The following RNF2 variants were observed in gnomAD, a reference collection of about 807,000 sequenced individuals.
The protein encoded by RNF2 is ring finger protein 2.
A neutral mutation model predicts 37.2 loss-of-function variants in RNF2; 6 were observed. The observed-to-expected ratio is 0.16, with a 90% confidence interval of 0.09 to 0.32. The LOEUF is 0.32. Ranked by LOEUF, RNF2 falls within the 10% of genes least tolerant of loss-of-function variation. The probability of loss-of-function intolerance (pLI) is 1.00; values close to 1 mark genes in which losing one functional copy is unlikely to be tolerated. For missense variants in RNF2, 251 were observed against 404.0 expected, an observed-to-expected ratio of 0.62 and a Z score of 3.25; for synonymous variants, 133 against 132.7, an observed-to-expected ratio of 1.00 and a Z score of -0.02.
intron 1 of RNF2, among the ~76,000 whole-genome samples, chr1:185,052,110 A>G (rs1041550082): frequency 1.3e-5 from 2 of 152,050 alleles, no homozygotes; most frequent in East Asian, 3.9e-4. Context: ...TTGATCTGAC[A>G]TCATGGAATA....
rs956542447 is a variant in RNF2, at chr1:185,101,821, GT to G, written c.*1525del. ...ATTTTATGGAAAATATTTAAAATCT[GT>G]TTTTACAGGGTTTTTTTTTTTTTTT... On this transcript the variant is annotated 3_prime_UTR_variant, in exon 7 of 7. Transcript: ENST00000367510. 1 of 97,068 alleles carries G rather than the reference GT, an allele frequency of 1.0e-5. No individual in the cohort carries two copies. The highest frequency in any genetic ancestry group is 2.1e-5 in the Non-Finnish European group (1 of 48,266). The allele number at this position is 97,068 out of a possible 1,614,324, so 6.0% of individuals were successfully genotyped here. A position where few individuals can be genotyped will look rare whatever the true frequency, so the allele number is the denominator to read the frequency against.
At chr1:185,096,600 TC>T (rs1651918906) in intron 4 of RNF2, among the ~76,000 whole-genome samples, 1 of 152,142 alleles carries the variant, frequency 6.6e-6, no homozygotes. Context: ...TATTTATTTC[TC>T]TTTTTACTTG....
intron 4 of RNF2, among the ~76,000 whole-genome samples, chr1:185,094,664 A>C (rs1053336699): frequency 3.9e-5 from 6 of 152,212 alleles, no homozygotes; most frequent in African/African-American, 1.4e-4. Flanking sequence ...ATTGAAAGGA[A>C]GATCATGGTT....
chr1:185,090,730 A>G (rs1222770223), intron 2 of RNF2, among the ~76,000 whole-genome samples: 2 of 152,138 alleles, frequency 1.3e-5, no homozygotes, highest in African/African-American at 2.4e-5. Flanking sequence ...TCCTCAATCC[A>G]TAGGAGTTGA....
At chr1:185,047,655 T>C (rs1433526380) in intron 1 of RNF2, among the ~76,000 whole-genome samples, 2 of 152,210 alleles carry the variant, frequency 1.3e-5, no homozygotes, top group African/African-American at 4.8e-5. Context: ...TGAGTTAATA[T>C]TAAAACGCAC....
chr1:185,079,250 A>G (rs1482753200), intron 1 of RNF2, among the ~76,000 whole-genome samples: 1 of 152,104 alleles, frequency 6.6e-6, no homozygotes, highest in Non-Finnish European at 1.5e-5. Context: ...AAGTATAATT[A>G]ATGAGCTGTA....
intron 4 of RNF2, among the ~76,000 whole-genome samples, chr1:185,094,735 T>G (rs1651865003): frequency 6.6e-6 from 1 of 152,218 alleles, no homozygotes; most frequent in African/African-American, 2.4e-5. Context: ...ACTAAAAGAC[T>G]TTAATGATGG....
chr1:185,092,205 C>A (rs1188916473), intron 3 of RNF2, among the ~76,000 whole-genome samples: 1 of 148,554 alleles, frequency 6.7e-6, no homozygotes, highest in African/African-American at 2.5e-5. Context: ...GAGATGGAAT[C>A]TTACTCTGTC....
chr1:185,050,900 G>A (rs560326602), intron 1 of RNF2, among the ~76,000 whole-genome samples: 5 of 152,156 alleles, frequency 3.3e-5, no homozygotes, highest in South Asian at 2.1e-4. Flanking sequence ...AAGGTATTTC[G>A]GTGTGGGATG....
intron 1 of RNF2, among the ~76,000 whole-genome samples, chr1:185,063,677 CG>C (rs1450572893): frequency 6.6e-6 from 1 of 152,104 alleles, no homozygotes; most frequent in Non-Finnish European, 1.5e-5. Flanking sequence ...ATGAGTCTTA[CG>C]GGATTGAAAT....
In RNF2 at chr1:185,093,222, A is replaced by G. The variant is rs1471149409; in HGVS notation, c.410A>G (p.Gln137Arg). The G allele has an allele frequency of 6.2e-7, 1 of 1,614,124 alleles. No homozygotes were observed. The highest frequency in any genetic ancestry group is 1.3e-5 in the African/African-American group (1 of 75,070). Reference sequence around the variant, plus strand: ...GCCAGGATCAACAAGCACAATAATCAGCAAGCACTCAGTCACAGCATTGAG... The same window carrying G: ...GCCAGGATCAACAAGCACAATAATCGGCAAGCACTCAGTCACAGCATTGAG... ...VLARINKHNN[Q>R]QALSHSIEEG... is the part of the protein sequence containing the mutation. Residue 137 changes from glutamine (Q) to arginine (R), a missense_variant, in exon 4 of 7, where the codon CAG (glutamine) becomes CGG (arginine). Around this residue, in one of 7 missense-constraint regions of RNF2, gnomAD observed 33 missense variants for 46.8 expected, o/e 0.71. Coordinates refer to ENST00000367510, the MANE Select transcript of RNF2 (RefSeq NM_007212.4).
intron 1 of RNF2, among the ~76,000 whole-genome samples, chr1:185,058,580 T>C (rs1290684059): frequency 6.6e-6 from 1 of 152,236 alleles, no homozygotes; most frequent in East Asian, 1.9e-4. Flanking sequence ...TGGTTTTCCT[T>C]CCTCTTTATT....
chr1:185,061,118 T>TTC (rs1279789372), intron 1 of RNF2, among the ~76,000 whole-genome samples: 4 of 143,642 alleles, frequency 2.8e-5, no homozygotes, highest in South Asian at 2.2e-4. Flanking sequence ...GAGACCCTAT[T>TTC]TCTCTCTCTC....
chr1:185,096,859 A>G (rs1489243303), intron 4 of RNF2, among the ~76,000 whole-genome samples: 2 of 146,914 alleles, frequency 1.4e-5, no homozygotes, highest in Admixed American at 1.3e-4. Flanking sequence ...TTTTTAAAGC[A>G]TGAGTTCTTG....
At position 185,091,596 on chromosome 1, in the gene RNF2, C is replaced by T; in HGVS notation, c.105C>T (p.Gly35=). 6.2e-7 allele frequency: 1 copy of T among 1,613,108 alleles called. No individual in the cohort carries two copies. The highest frequency in any genetic ancestry group is 8.5e-7 in the Non-Finnish European group (1 of 1,179,768). The stretch of plus-strand genomic sequence containing the variant: ...TTTTACAGGAGGCAATAACAGATGG[C>T]TTAGAAATTGTGGTTTCACCTCGAA... ...QRTPQEAITD[G]LEIVVSPRSL... is the part of the protein sequence containing the mutation. The change falls in exon 3 of 7, where the codon GGC becomes GGT. Residue 35 remains glycine, a synonymous_variant. Transcript: ENST00000367510.
chr1:185,076,437 C>T (rs1478089038), intron 1 of RNF2, among the ~76,000 whole-genome samples: 5 of 150,496 alleles, frequency 3.3e-5, no homozygotes, highest in African/African-American at 9.8e-5. Flanking sequence ...ACTACAGGCG[C>T]GTGCCTCCAT....
At chr1:185,085,294 G>A (rs1387434030) in intron 1 of RNF2, among the ~76,000 whole-genome samples, 1 of 151,174 alleles carries the variant, frequency 6.6e-6, no homozygotes, top group Non-Finnish European at 1.5e-5. Context: ...GACTACAGGC[G>A]CCCGCCACCG....
intron 1 of RNF2, 67 bp from the exon 2 acceptor site, chr1:185,087,485 A>G (rs1198769247): frequency 1.4e-5 from 19 of 1,331,422 alleles, no homozygotes; most frequent in Non-Finnish European, 1.9e-5. Flanking sequence ...GGTGGGACAC[A>G]TACATTCAGA....
intron 1 of RNF2, among the ~76,000 whole-genome samples, chr1:185,086,666 TATAGGATGA>T (rs1411620084): frequency 5.3e-5 from 8 of 152,212 alleles, no homozygotes; most frequent in Non-Finnish European, 1.2e-4. Flanking sequence ...AGAGGGCAGC[TATAGGATGA>T]ATAGGTAGCA....
Sources: allele counts gnomAD v4.1 joint callset (sites outside exome capture counted in the v4.1 genomes callset), GRCh38; gene constraint gnomAD v4.1.1; regional missense constraint gnomAD v4.1.1; transcripts MANE v1.5; gene names NCBI Gene and HGNC (gene_info 2026-07-23, HGNC 2026-07-21).